Variants in PLXNA4 observed in about 807,000 individuals in gnomAD.
PLXNA4 encodes plexin A4, also known as plexin-A4.
In PLXNA4, 44 loss-of-function variants were observed where a neutral mutation model predicts 191.8. The ratio of observed to expected loss-of-function variants is 0.23; its 90% CI spans 0.18 to 0.29. The LOEUF (loss-of-function observed/expected upper bound fraction) is 0.29, where lower values mean the gene tolerates loss of function less well. PLXNA4 is among the 10% of genes least tolerant of loss of function. The pLI, the probability that PLXNA4 is intolerant of heterozygous loss-of-function variation, is 1.00. For missense variants in PLXNA4, 1,800 were observed against 2,488.8 expected (o/e 0.72, Z 5.89); for synonymous variants, 1,082 against 1,009.5 (o/e 1.07, Z -1.36).
chr7:132,206,259 A>G (rs965695530), intron 10 of PLXNA4, among the ~76,000 whole-genome samples: 4 of 152,172 alleles, frequency 2.6e-5, no homozygotes, highest in Non-Finnish European at 5.9e-5. Context: ...AAGCGCTCAA[A>G]TGTGATTGCG....
At chr7:132,339,194 A>G (rs1207850084) in intron 3 of PLXNA4, among the ~76,000 whole-genome samples, 1 of 152,214 alleles carries the variant, frequency 6.6e-6, no homozygotes, top group African/African-American at 2.4e-5. Context: ...TCCGCAAAAC[A>G]TAATGATTAA....
chr7:132,203,210 C>A (rs1797499717), intron 11 of PLXNA4, 113 bp downstream of exon 11: 2 of 920,312 alleles, frequency 2.2e-6, no homozygotes, highest in Non-Finnish European at 1.7e-6. Context: ...GGGAGAGGGA[C>A]AGCCACTAGG....
chr7:132,400,633 G>A (rs1165318575), intron 3 of PLXNA4, among the ~76,000 whole-genome samples: 1 of 152,140 alleles, frequency 6.6e-6, no homozygotes, highest in African/African-American at 2.4e-5. Flanking sequence ...AACACTCCCA[G>A]GAAAGAGAAG....
At chr7:132,138,802 C>T (rs1795185285) in intron 30 of PLXNA4, among the ~76,000 whole-genome samples, 1 of 152,224 alleles carries the variant, frequency 6.6e-6, no homozygotes, top group South Asian at 2.1e-4. Context: ...AGACCACTTG[C>T]TCAGCCCATG....
At chr7:132,300,288 G>A (rs1209174968) in intron 3 of PLXNA4, among the ~76,000 whole-genome samples, 2 of 152,082 alleles carry the variant, frequency 1.3e-5, no homozygotes, top group Non-Finnish European at 2.9e-5. Flanking sequence ...GCTCCCAGAG[G>A]GTTTCCTGTA....
At chr7:132,197,449 G>T (rs1241527460) in intron 13 of PLXNA4, among the ~76,000 whole-genome samples, 5 of 151,998 alleles carry the variant, frequency 3.3e-5, no homozygotes, top group African/African-American at 1.2e-4. Flanking sequence ...TAATACTTTT[G>T]ATATCTGGCT....
At chr7:132,635,874 C>G (rs1322125982) in intron 2 of PLXNA4, among the ~76,000 whole-genome samples, 1 of 152,098 alleles carries the variant, frequency 6.6e-6, no homozygotes, top group Admixed American at 6.5e-5. Flanking sequence ...TTCCAAGGGC[C>G]GGGTTATTGA....
At chr7:132,638,999 A>T in intron 2 of PLXNA4, among the ~76,000 whole-genome samples, 1 of 152,156 alleles carries the variant, frequency 6.6e-6, no homozygotes, top group East Asian at 1.9e-4. Flanking sequence ...AGCACTTCCC[A>T]GTTCCAGTGG....
chr7:132,448,265 AAGG>A (rs1795985903), intron 3 of PLXNA4, among the ~76,000 whole-genome samples: 3 of 152,192 alleles, frequency 2.0e-5, no homozygotes, highest in South Asian at 2.1e-4. Context: ...CCAGCTCCAC[AAGG>A]AGAAGACAAC....
intron 2 of PLXNA4, among the ~76,000 whole-genome samples, chr7:132,636,896 G>A (rs1374132084): frequency 6.6e-6 from 1 of 152,170 alleles, no homozygotes; most frequent in East Asian, 1.9e-4. Context: ...ACAGCTAGCT[G>A]CATGCAAAGG....
intron 9 of PLXNA4, among the ~76,000 whole-genome samples, chr7:132,220,493 C>T (rs1198431009): frequency 6.6e-6 from 1 of 152,182 alleles, no homozygotes; most frequent in African/African-American, 2.4e-5. Context: ...CAAACTACCC[C>T]AGAGCCCCTC....
intron 3 of PLXNA4, among the ~76,000 whole-genome samples, chr7:132,299,592 T>A (rs1801230719): frequency 6.6e-6 from 1 of 152,246 alleles, no homozygotes; most frequent in Non-Finnish European, 1.5e-5. Context: ...CATCAGGTAC[T>A]GGGAGATGGT....
At chr7:132,384,952 T>G in intron 3 of PLXNA4, 1 of 1,331,882 alleles carries the variant, frequency 7.5e-7, no homozygotes, top group South Asian at 1.5e-5. Flanking sequence ...TACACTCCAT[T>G]GTCCAAAATT....
At chr7:132,571,565 A>G (rs1024539735) in intron 1 of PLXNA4, among the ~76,000 whole-genome samples, 2 of 152,196 alleles carry the variant, frequency 1.3e-5, no homozygotes, top group Non-Finnish European at 2.9e-5. Flanking sequence ...GTGTAATGGT[A>G]AGAATCTTTG....
intron 2 of PLXNA4, among the ~76,000 whole-genome samples, chr7:132,588,801 GAAAGAAAGAA>G (rs1404862636): frequency 6.8e-6 from 1 of 146,006 alleles, no homozygotes; most frequent in Non-Finnish European, 1.5e-5. Context: ...AAAGAAGAAA[GAAAGAAAGAA>G]AAAGAAAGAA....
intron 3 of PLXNA4, chr7:132,383,717 A>G (rs938100623): frequency 3.0e-6 from 3 of 983,916 alleles, no homozygotes; most frequent in South Asian, 9.4e-5. Context: ...AAATGCTGAA[A>G]TGTGTATCTT....
At chr7:132,631,956 C>T (rs769115139) in intron 2 of PLXNA4, among the ~76,000 whole-genome samples, 2 of 152,118 alleles carry the variant, frequency 1.3e-5, no homozygotes, top group Non-Finnish European at 1.5e-5. Context: ...GGAGGAAGAT[C>T]GGGCATAGTG....
intron 2 of PLXNA4, among the ~76,000 whole-genome samples, chr7:132,634,183 G>A (rs1282690017): frequency 6.6e-6 from 1 of 152,106 alleles, no homozygotes; most frequent in Admixed American, 6.6e-5. Flanking sequence ...AGGGCATCAA[G>A]GCCCTTTATT....
chr7:132,495,427 C>G (rs1391737151), intron 2 of PLXNA4, among the ~76,000 whole-genome samples: 2 of 152,192 alleles, frequency 1.3e-5, no homozygotes, highest in Admixed American at 6.5e-5. Flanking sequence ...TTACAAACAT[C>G]CTAAGCTGAT....
Sources: gnomAD v4.1 joint callset for allele counts (sites outside exome capture counted in the v4.1 genomes callset) on GRCh38, gnomAD v4.1.1 for gene constraint, MANE v1.5 for transcripts, NCBI Gene and HGNC (gene_info 2026-07-23, HGNC 2026-07-21) for gene names.